Variants in CYP2C8 observed in about 807,000 individuals in gnomAD.
CYP2C8 encodes the protein cytochrome P450 2C8.
CYP2C8 carries 51 observed loss-of-function variants against 41.3 expected under a neutral mutation model. The observed-to-expected ratio is 1.24, with a 90% CI of 0.99 to 1.56. CYP2C8 has a LOEUF of 1.56. CYP2C8 is among the 40% of genes most tolerant of loss of function. The pLI, the probability that CYP2C8 is intolerant of heterozygous loss-of-function variation, is 0.00. For synonymous variants in CYP2C8, 218 were observed against 205.8 expected, an observed-to-expected ratio of 1.06 and a Z score of -0.51; for missense variants, 651 against 579.9, an observed-to-expected ratio of 1.12 and a Z score of -1.26.
At chr10:95,051,164 G>T (rs1189988186) in intron 5 of CYP2C8, among the ~76,000 whole-genome samples, 10 of 152,088 alleles carry the variant, frequency 6.6e-5, no homozygotes, top group African/African-American at 2.4e-4. Flanking sequence ...ATTTACAAGA[G>T]TCAAGCAGAG....
At chr10:95,066,891 C>A (rs1289896838) in intron 3 of CYP2C8, among the ~76,000 whole-genome samples, 1 of 152,156 alleles carries the variant, frequency 6.6e-6, no homozygotes. Flanking sequence ...TGGGGGAAAC[C>A]TTCTTTAACT....
chr10:95,041,861 C>T (rs1221764749), intron 7 of CYP2C8, among the ~76,000 whole-genome samples: 2 of 150,978 alleles, frequency 1.3e-5, no homozygotes, highest in Non-Finnish European at 2.9e-5. Context: ...TCCCTGCCAT[C>T]CCCAGTTTGC....
chr10:95,049,157 A>T (rs1312837552), intron 5 of CYP2C8, among the ~76,000 whole-genome samples: 1 of 152,138 alleles, frequency 6.6e-6, no homozygotes, highest in African/African-American at 2.4e-5. Context: ...GTGGGCAAAC[A>T]ACATGAACAG....
chr10:95,066,153 A>AGAGAGTGTGTGTGT (rs1342809282), intron 3 of CYP2C8, among the ~76,000 whole-genome samples: 45 of 88,270 alleles, frequency 5.1e-4, no homozygotes, highest in African/African-American at 1.6e-3. Flanking sequence ...AGAGAGAGAG[A>AGAGAGTGTGTGTGT]GTGTGTGTGT....
At chr10:95,048,087 G>A (rs2073109981) in intron 5 of CYP2C8, among the ~76,000 whole-genome samples, 1 of 152,062 alleles carries the variant, frequency 6.6e-6, no homozygotes, top group African/African-American at 2.4e-5. Flanking sequence ...TTTCACCTCT[G>A]CCAGCTTCTT....
intron 7 of CYP2C8, among the ~76,000 whole-genome samples, chr10:95,040,568 T>C (rs574053805): frequency 5.5e-4 from 83 of 152,188 alleles, no homozygotes; most frequent in Non-Finnish European, 9.4e-4. Context: ...ATTGTAAAGC[T>C]GCAAAGACCA....
Position 95,053,287 on chromosome 10 carries a change from G to A in CYP2C8, c.819+5048C>T, listed in dbSNP as rs560959882. Among the ~76,000 whole-genome samples, 3 of 152,302 alleles carry A rather than the reference G, an allele frequency of 2.0e-5. No individual in the cohort carries two copies. The South Asian group carries it at 6.2e-4, about 32-fold the overall frequency. ...AACAACAGATGCTGGCGATGATGCA[G>A]AGAAATAGAAACACTTTTACACTGT... On this transcript the variant is annotated intron_variant, in intron 5 of 8. Transcript: ENST00000371270.
chr10:95,039,466 A>G (rs2032953751), intron 7 of CYP2C8: 1 of 194,924 alleles, frequency 5.1e-6, no homozygotes, highest in African/African-American at 2.4e-5. Flanking sequence ...CTATTTTAAT[A>G]TGATGTCATC....
At chr10:95,054,326 A>C (rs2033270243) in intron 5 of CYP2C8, among the ~76,000 whole-genome samples, 1 of 152,152 alleles carries the variant, frequency 6.6e-6, no homozygotes, top group South Asian at 2.1e-4. Flanking sequence ...GACCATCTGA[A>C]TAGAAGCTGA....
chr10:95,067,797 G>C (rs2033603687), intron 1 of CYP2C8, 106 bp from the exon 2 acceptor site: 2 of 1,172,062 alleles, frequency 1.7e-6, no homozygotes, highest in Non-Finnish European at 2.5e-6. Flanking sequence ...GTTCATATTT[G>C]CCACACATAG....
At chr10:95,063,182 G>A (rs2033477582) in intron 4 of CYP2C8, among the ~76,000 whole-genome samples, 1 of 152,144 alleles carries the variant, frequency 6.6e-6, no homozygotes, top group Non-Finnish European at 1.5e-5. Context: ...TTGAATGTTA[G>A]CCTGCCTTCC....
chr10:95,044,310 C>T (rs11572161), intron 6 of CYP2C8, among the ~76,000 whole-genome samples: 1,987 of 152,288 alleles, frequency 0.013, 41 homozygotes, highest in African/African-American at 0.046. Flanking sequence ...CTTGAGAATT[C>T]TGATGCTGTT....
intron 1 of CYP2C8, chr10:95,068,707 G>A: frequency 1.1e-6 from 1 of 878,764 alleles, no homozygotes; most frequent in Admixed American, 2.3e-5. Flanking sequence ...TGACCCCAAT[G>A]TTTCTGTATT....
chr10:95,065,694 A>C (rs1458225602), intron 3 of CYP2C8, among the ~76,000 whole-genome samples: 1 of 152,166 alleles, frequency 6.6e-6, no homozygotes, highest in African/African-American at 2.4e-5. Context: ...CATCTTCCAA[A>C]TTTAATTCAT....
intron 8 of CYP2C8, among the ~76,000 whole-genome samples, chr10:95,038,671 A>G (rs2032934083): frequency 6.6e-6 from 1 of 152,004 alleles, no homozygotes; most frequent in Non-Finnish European, 1.5e-5. Flanking sequence ...CAAGATGTTC[A>G]TTTTCTCAAT....
chr10:95,058,079 TG>T (rs2033345273), intron 5 of CYP2C8, among the ~76,000 whole-genome samples: 1 of 152,196 alleles, frequency 6.6e-6, no homozygotes, highest in African/African-American at 2.4e-5. Context: ...TGTTTCCATT[TG>T]ACTGCAGTGT....
chr10:95,056,680 T>C (rs1232685211), intron 5 of CYP2C8, among the ~76,000 whole-genome samples: 1 of 152,224 alleles, frequency 6.6e-6, no homozygotes, highest in Non-Finnish European at 1.5e-5. Context: ...TCAAATGTTA[T>C]ACTCATTATA....
chr10:95,054,187 A>T (rs1042897185), intron 5 of CYP2C8, among the ~76,000 whole-genome samples: 10 of 152,178 alleles, frequency 6.6e-5, no homozygotes, highest in African/African-American at 1.9e-4. Context: ...GATTTTTTTA[A>T]AAAAAATTAA....
At position 95,037,268 on chromosome 10, in the gene CYP2C8, G is replaced by A. The variant is rs754390283; in HGVS notation, c.1333C>T (p.Leu445=). The change falls in exon 9 of 9, where the codon CTA becomes TTA. Residue 445 remains leucine, a synonymous_variant. Coordinates refer to ENST00000371270, the MANE Select transcript of CYP2C8 (RefSeq NM_000770.3). ...AAAATTGTGGTTAGAAATAAAAATA[G>A]CTCCATGCGGGCAAGTCCTTCTCCT... ...CAGEGLARME[L]FLFLTTILQN... 3.7e-6 allele frequency: 6 copies of A among 1,613,612 alleles called. No homozygotes were observed. Among genetic ancestry groups the A allele is most frequent in the East Asian group, 4.5e-5 (2 of 44,882 alleles).
Sources: allele counts gnomAD v4.1 joint callset (sites outside exome capture counted in the v4.1 genomes callset), GRCh38; gene constraint gnomAD v4.1.1; transcripts MANE v1.5; gene names NCBI Gene and HGNC (gene_info 2026-07-23, HGNC 2026-07-21).